TGM6: variants seen among roughly 807,000 people sequenced by gnomAD.
TGM6 encodes protein-glutamine gamma-glutamyltransferase 6.
Under a neutral mutation model 77.5 loss-of-function variants are expected in TGM6, and 74 were observed. The observed-to-expected ratio is 0.96, with a 90% CI of 0.79 to 1.16. TGM6 has a LOEUF of 1.16. TGM6 is among the 50% of genes most tolerant of loss of function. The probability of loss-of-function intolerance (pLI) is 0.00; values close to 1 mark genes in which losing one functional copy is unlikely to be tolerated. For missense variants in TGM6, 968 were observed against 940.2 expected (o/e 1.03, Z -0.39); for synonymous variants, 383 against 378.9 (o/e 1.01, Z -0.12).
chr20:2,385,084 A>G (rs2084585401), intron 1 of TGM6, among the ~76,000 whole-genome samples: 1 of 152,096 alleles, frequency 6.6e-6, no homozygotes, highest in Admixed American at 6.5e-5. Context: ...GCAAGCTGGG[A>G]CCATGATCAC....
chr20:2,430,306 C>A (rs2076649), intron 10 of TGM6, 140 bp from the exon 11 acceptor site: 1 of 1,159,640 alleles, frequency 8.6e-7, no homozygotes, highest in Non-Finnish European at 1.3e-6. Context: ...ATCTGAGAAC[C>A]GAGGAAAATA....
At position 2,399,668 on chromosome 20, in the gene TGM6, G is replaced by T. The variant is rs2084692239; in HGVS notation, c.780G>T (p.Lys260Asn). Residue 260 changes from lysine (K) to asparagine (N), a missense_variant, in exon 6 of 13, where the codon AAG (lysine) becomes AAT (asparagine). Physicochemically the swap from Lys to Asn is moderately conservative, Grantham distance 94. Transcript: ENST00000202625. ...GCGGCAGCGTGGCCATTCTGCAGAA[G>T]TGGCTCAAGGGCAGGTACAAGCCAG... Reference protein sequence around the residue: ...HWRGSVAILQKWLKGRYKPVK... With the variant: ...HWRGSVAILQNWLKGRYKPVK... 2 of 1,613,884 alleles carry T rather than the reference G, an allele frequency of 1.2e-6. No homozygotes were observed. Among genetic ancestry groups the T allele is most frequent in the Non-Finnish European group, 1.7e-6 (2 of 1,179,976 alleles).
At chr20:2,381,995 G>C (rs541055946) in intron 1 of TGM6, among the ~76,000 whole-genome samples, 1 of 21,758 alleles carries the variant, frequency 4.6e-5, no homozygotes, top group Admixed American at 5.3e-4. Context: ...GCAAGAACTT[G>C]TCTTAGATGC....
In TGM6 at chr20:2,382,318, C is replaced by G. The variant is rs187777356; in HGVS notation, c.7+1343C>G. On this transcript the variant is annotated intron_variant, in intron 1 of 12. Transcript: ENST00000202625. ...GCTCACAGCCCAGACTGCCTGTTTC[C>G]AGAGCTGGGGTTGCCTCCCTGATGG... is the stretch of plus-strand genomic sequence containing the variant. 3.9e-4 allele frequency among the ~76,000 whole-genome samples: 60 copies of G among 152,288 alleles called. 1 individual carries two copies. Among genetic ancestry groups the G allele is most frequent in the African/African-American group, 1.4e-3 (58 of 41,556 alleles).
chr20:2,408,171 A>G lies in TGM6; in HGVS notation c.1336+4348A>G, dbSNP rs368285962. 2.0e-5 allele frequency among the ~76,000 whole-genome samples: 3 copies of G among 152,170 alleles called. No homozygotes were observed. In the East Asian group the frequency reaches 5.8e-4, roughly 29 times the overall value. ...GCAAGCCAAGACATCCTTGACTTGC[A>G]TGAGCAGTATTCTATAGATGAAATG... On this transcript the variant is annotated intron_variant, in intron 9 of 12. Coordinates refer to ENST00000202625, the MANE Select transcript of TGM6 (RefSeq NM_198994.3).
rs1399479087 is a variant in TGM6, at chr20:2,417,470, G to A, written c.1575G>A (p.Gln525=). The change falls in exon 10 of 13, where the codon CAG becomes CAA. Residue 525 remains glutamine (Q), a synonymous_variant. Transcript: ENST00000202625. The part of the protein sequence containing the change: ...LCLANLTSRA[Q]RVRVNLSGAT... Reference sequence around the variant, plus strand: ...TGGCCAACCTCACCTCCCGGGCCCAGCGGGTGAGGGTCAACCTGAGCGGTG... The same window carrying A: ...TGGCCAACCTCACCTCCCGGGCCCAACGGGTGAGGGTCAACCTGAGCGGTG... 6.2e-7 allele frequency: 1 copy of A among 1,610,608 alleles called. No individual in the cohort carries two copies. The highest frequency in any genetic ancestry group is 8.5e-7 in the Non-Finnish European group (1 of 1,179,922).
Position 2,396,638 on chromosome 20 carries a change from C to A in TGM6, c.543+14C>A. ...AACTACGGGCAGGTCTCCAGGGGCA[C>A]AGGCCAGACAAGGATGTGGGCTGGG... On this transcript the variant is annotated intron_variant, in intron 4 of 12. Transcript: ENST00000202625. 6.2e-7 allele frequency: 1 copy of A among 1,613,068 alleles called. No homozygotes were observed. The highest frequency in any genetic ancestry group is 1.3e-5 in the African/African-American group (1 of 75,024).
At position 2,417,258 on chromosome 20, in the gene TGM6, A is replaced by C. The variant is rs2084822636; in HGVS notation, c.1363A>C (p.Ser455Arg). ...GTCCCGGAAAGAGAGGCAGGTGTAC[A>C]GCAAGGCGGTGAACAGGCTGTTCGG... ...EGSRKERQVY[S>R]KAVNRLFGVE... The change falls in exon 10 of 13, where the codon AGC (serine) becomes CGC (arginine). Residue 455 changes from serine to arginine, a missense_variant. Transcript: ENST00000202625. The C allele has an allele frequency of 6.2e-7, 1 of 1,606,236 alleles. No individual in the cohort carries two copies. Among genetic ancestry groups the C allele is most frequent in the African/African-American group, 1.3e-5 (1 of 74,784 alleles).
intron 7 of TGM6, among the ~76,000 whole-genome samples, chr20:2,402,904 C>A (rs1362401927): frequency 6.6e-6 from 1 of 152,218 alleles, no homozygotes; most frequent in Non-Finnish European, 1.5e-5. Context: ...GACCTTTGCA[C>A]ATGCTGTTCC....
intron 2 of TGM6, among the ~76,000 whole-genome samples, chr20:2,394,875 C>T (rs2084652279): frequency 6.6e-6 from 1 of 152,170 alleles, no homozygotes; most frequent in South Asian, 2.1e-4. Flanking sequence ...ACACCCAGGG[C>T]TCTGGAAGGG....
intron 5 of TGM6, 125 bp from the exon 6 acceptor site, chr20:2,399,436 C>G: frequency 7.7e-7 from 1 of 1,306,336 alleles, no homozygotes; most frequent in Non-Finnish European, 1.1e-6. Flanking sequence ...AATTTTCAGA[C>G]AGTTAAAAAG....
chr20:2,395,256 G>C lies in TGM6; in HGVS notation c.244G>C (p.Gly82Arg), dbSNP rs1245918701. 6.2e-7 allele frequency: 1 copy of C among 1,613,996 alleles called. No individual in the cohort carries two copies. Among genetic ancestry groups the C allele is most frequent in the African/African-American group, 1.3e-5 (1 of 74,934 alleles). The change falls in exon 3 of 13, where the codon GGT (glycine) becomes CGT (arginine). Residue 82 changes from glycine to arginine, a missense_variant. Coordinates refer to ENST00000202625, the MANE Select transcript of TGM6 (RefSeq NM_198994.3). Reference sequence around the variant, plus strand: ...GTTCCAGACATCGGAGCTGGAGCGGGGTGAGGGCTGGACAGCAGCAAGGGA... The same window carrying C: ...GTTCCAGACATCGGAGCTGGAGCGGCGTGAGGGCTGGACAGCAGCAAGGGA... ...AVFQTSELERGEGWTAAREAQ... is the reference protein window; with the variant it reads ...AVFQTSELERREGWTAAREAQ...
Position 2,395,272 on chromosome 20 carries a change from C to T in TGM6, c.260C>T (p.Ala87Val), listed in dbSNP as rs2084656546. 5 of 1,614,164 alleles carry T rather than the reference C, an allele frequency of 3.1e-6. No individual in the cohort carries two copies. In the East Asian group the frequency reaches 1.1e-4, roughly 36 times the overall value. The change falls in exon 3 of 13, where the codon GCA (alanine) becomes GTA (valine). Residue 87 changes from alanine to valine, a missense_variant. Transcript: ENST00000202625. ...SELERGEGWT[A>V]AREAQMEKTL... ...CTGGAGCGGGGTGAGGGCTGGACAG[C>T]AGCAAGGGAGGCTCAGATGGAGAAA...
chr20:2,424,089 A>G (rs1346040956), intron 10 of TGM6, among the ~76,000 whole-genome samples: 2 of 152,230 alleles, frequency 1.3e-5, no homozygotes, highest in East Asian at 1.9e-4. Context: ...TAGATTTAGC[A>G]TAATTCTTAA....
chr20:2,396,013 T>C (rs2084662768), intron 3 of TGM6, among the ~76,000 whole-genome samples: 2 of 151,924 alleles, frequency 1.3e-5, no homozygotes, highest in South Asian at 4.1e-4. Flanking sequence ...AAATCCCGTC[T>C]CTACTAAAAA....
intron 1 of TGM6, among the ~76,000 whole-genome samples, chr20:2,391,409 C>T (rs1005614776): frequency 2.0e-5 from 3 of 151,376 alleles, no homozygotes; most frequent in Non-Finnish European, 4.4e-5. Context: ...AGGAAAAGCA[C>T]AAGGCAGGAA....
Position 2,417,580 on chromosome 20 carries a change from G to A in TGM6, c.1678+7G>A. On this transcript the variant is annotated splice_region_variant and intron_variant, in intron 10 of 12. Coordinates refer to ENST00000202625, the MANE Select transcript of TGM6 (RefSeq NM_198994.3). The stretch of plus-strand genomic sequence containing the variant: ...AGGCTGGGGCCGCAAGAAGGTAAGT[G>A]TACGCTGGCTTGGTGGAATCAGGCC... The A allele has an allele frequency of 1.9e-6, 3 of 1,596,322 alleles. No homozygotes were observed. Among genetic ancestry groups the A allele is most frequent in the Non-Finnish European group, 8.5e-7 (1 of 1,178,114 alleles).
Position 2,403,729 on chromosome 20 carries a change from C to T in TGM6, c.1242C>T (p.Tyr414=). ...WHEDESRERV[Y]SNTKKIGRCI... is the part of the protein sequence containing the mutation. The stretch of plus-strand genomic sequence containing the variant: ...AGGATGAGAGCCGGGAGCGTGTATA[C>T]TCAAACACGAAGAAGATTGGGAGAT... The change falls in exon 9 of 13, where the codon TAC becomes TAT. Residue 414 remains tyrosine, a synonymous_variant. Transcript: ENST00000202625. The T allele has an allele frequency of 6.2e-7, 1 of 1,614,230 alleles. No homozygotes were observed. The highest frequency in any genetic ancestry group is 8.5e-7 in the Non-Finnish European group (1 of 1,180,052).
At chr20:2,395,466 T>G in intron 3 of TGM6, 30 bp downstream of exon 3, 1 of 1,614,068 alleles carries the variant, frequency 6.2e-7, no homozygotes, top group Middle Eastern at 1.7e-4. Flanking sequence ...ATGCAGAGGT[T>G]TTTCCAAAAG....
Sources: gnomAD v4.1 joint callset for allele counts (sites outside exome capture counted in the v4.1 genomes callset) on GRCh38, gnomAD v4.1.1 for gene constraint, MANE v1.5 for transcripts, NCBI Gene and HGNC (gene_info 2026-07-23, HGNC 2026-07-21) for gene names.